The following BPGM variants were observed in gnomAD, a reference collection of about 807,000 sequenced individuals.
The protein encoded by BPGM is bisphosphoglycerate mutase.
Under a neutral mutation model 21.6 loss-of-function variants are expected in BPGM, and 15 were observed. The ratio of observed to expected loss-of-function variants is 0.70; its 90% CI spans 0.47 to 1.07. BPGM has a LOEUF of 1.07. Ranked by LOEUF, BPGM falls within the 50% of genes least tolerant of loss-of-function variation. The pLI, the probability that BPGM is intolerant of heterozygous loss-of-function variation, is 0.00. For synonymous variants in BPGM, 113 were observed against 116.2 expected, an observed-to-expected ratio of 0.97 and a Z score of 0.18; for missense variants, 273 against 319.0, an observed-to-expected ratio of 0.86 and a Z score of 1.10.
rs1416123189 is a variant in BPGM, at chr7:134,678,778, G to A, written c.602-75G>A. 3.0e-6 allele frequency: 4 copies of A among 1,355,914 alleles called. No individual in the cohort carries two copies. In the South Asian group the frequency reaches 4.7e-5, roughly 16 times the overall value. The allele number at this position is 1,355,914 out of a possible 1,614,324, so 84.0% of individuals were successfully genotyped here. A position where few individuals can be genotyped will look rare whatever the true frequency, so the allele number is the denominator to read the frequency against. ...GCACACAGTTAAATGGGATTAAAGTGCAGTTATATAATTAAACAGAACTTC... is the reference window on the plus strand; with the variant it reads ...GCACACAGTTAAATGGGATTAAAGTACAGTTATATAATTAAACAGAACTTC... On this transcript the variant is annotated intron_variant, in intron 2 of 2. Coordinates refer to ENST00000344924, the MANE Select transcript of BPGM (RefSeq NM_001724.5).
rs1485251613 is a variant in BPGM, at chr7:134,679,102, C to CT, written c.*72dup. ...AGGAGTGTGTTATGGGTGCTGAACT[C>CT]TCTCTCTTTTTCCCCGATTTTCCAG... On this transcript the variant is annotated 3_prime_UTR_variant, in exon 3 of 3. Transcript: ENST00000344924. 6.5e-7 allele frequency: 1 copy of CT among 1,539,496 alleles called. No homozygotes were observed. The highest frequency in any genetic ancestry group is 1.4e-5 in the African/African-American group (1 of 73,204).
At chr7:134,649,357 A>G (rs1795520698) in intron 1 of BPGM, among the ~76,000 whole-genome samples, 1 of 152,216 alleles carries the variant, frequency 6.6e-6, no homozygotes, top group Non-Finnish European at 1.5e-5. Context: ...ACTTAGAAGC[A>G]ACTACTGTTA....
In BPGM at chr7:134,661,667, C is replaced by A. The variant is rs371168429; in HGVS notation, c.160C>A (p.Leu54Ile). The A allele has an allele frequency of 6.2e-7, 1 of 1,614,154 alleles. No individual in the cohort carries two copies. Among genetic ancestry groups the A allele is most frequent in the Non-Finnish European group, 8.5e-7 (1 of 1,180,020 alleles). The change falls in exon 2 of 3, where the codon CTT becomes ATT. Residue 54 changes from leucine to isoleucine, a missense_variant. Physicochemically the swap from Leu to Ile is conservative, Grantham distance 5. Coordinates refer to ENST00000344924, the MANE Select transcript of BPGM (RefSeq NM_001724.5). The surrounding 1 kb of genome is among the most constrained non-coding windows in gnomAD (Gnocchi z 4.6). ...QLKALNFEFDLVFTSVLNRSI... is the reference protein window; with the variant it reads ...QLKALNFEFDIVFTSVLNRSI... ...CAAAGCGTTAAACTTTGAGTTTGAT[C>A]TTGTATTCACATCTGTCCTTAATCG...
chr7:134,655,944 G>T (rs754865764), intron 1 of BPGM, among the ~76,000 whole-genome samples: 8 of 152,218 alleles, frequency 5.3e-5, no homozygotes, highest in Non-Finnish European at 1.0e-4. Context: ...CATCGCAAGT[G>T]CACCAAATGT....
chr7:134,652,158 G>A (rs954385838), intron 1 of BPGM, among the ~76,000 whole-genome samples: 1 of 152,112 alleles, frequency 6.6e-6, no homozygotes, highest in East Asian at 1.9e-4. Flanking sequence ...GGTACTTGCC[G>A]TTCTGGCCAA....
chr7:134,661,830 G>T lies in BPGM; in HGVS notation c.323G>T (p.Gly108Val), dbSNP rs573391134. 3 of 1,610,154 alleles carry T rather than the reference G, an allele frequency of 1.9e-6. No individual in the cohort carries two copies. The South Asian group carries it at 3.3e-5, about 18-fold the overall frequency. The change falls in exon 2 of 3, where the codon GGT becomes GTT. Residue 108 changes from glycine (G) to valine (V), a missense_variant. Physicochemically the swap from Gly to Val is moderately radical, Grantham distance 109. Transcript: ENST00000344924. This position sits in a 1 kb window ranked among gnomAD's most constrained non-coding sequence, Gnocchi z 4.6. ...LNREQMALNH[G>V]EEQVRLWRRS... ...AGGGAGCAGATGGCTTTGAATCATGGTGAAGAACAAGTGAGGCTCTGGAGA... is the reference window on the plus strand; with the variant it reads ...AGGGAGCAGATGGCTTTGAATCATGTTGAAGAACAAGTGAGGCTCTGGAGA...
At chr7:134,672,897 G>A (rs537829059) in intron 2 of BPGM, among the ~76,000 whole-genome samples, 11 of 152,204 alleles carry the variant, frequency 7.2e-5, no homozygotes, top group South Asian at 4.1e-4. Flanking sequence ...TTAGTTGGCC[G>A]GGCGCGGTGG....
chr7:134,658,319 A>G (rs1795674598), intron 1 of BPGM: 1 of 152,206 alleles, frequency 6.6e-6, no homozygotes, highest in African/African-American at 2.4e-5. Context: ...CTTCGATGTC[A>G]GCAATCCCAT....
chr7:134,664,043 T>C (rs111613302), intron 2 of BPGM, among the ~76,000 whole-genome samples: 1,671 of 152,316 alleles, frequency 0.011, 37 homozygotes, highest in African/African-American at 0.038. Context: ...TGAGGGAGGC[T>C]TTGAAACTAT....
At chr7:134,670,710 C>T (rs377364759) in intron 2 of BPGM, among the ~76,000 whole-genome samples, 3 of 152,008 alleles carry the variant, frequency 2.0e-5, no homozygotes, top group African/African-American at 4.8e-5. Flanking sequence ...CACAGATTGT[C>T]GGTGGGGTTT....
At chr7:134,665,648 T>G (rs1248764513) in intron 2 of BPGM, among the ~76,000 whole-genome samples, 1 of 4,002 alleles carries the variant, frequency 2.5e-4, no homozygotes. Flanking sequence ...TAAAAATTAA[T>G]GAAAAAAAAA....
chr7:134,648,090 G>C (rs183382052), intron 1 of BPGM, among the ~76,000 whole-genome samples: 425 of 150,392 alleles, frequency 2.8e-3, no homozygotes, highest in Non-Finnish European at 4.5e-3. Context: ...GAGCCACCGT[G>C]CCTGGCCTTG....
intron 2 of BPGM, among the ~76,000 whole-genome samples, chr7:134,664,283 A>C (rs1457824633): frequency 6.6e-6 from 1 of 152,168 alleles, no homozygotes; most frequent in Non-Finnish European, 1.5e-5. Context: ...TCAAGGTGTG[A>C]GCAGGGCTGT....
At chr7:134,660,003 C>T (rs1349042625) in intron 1 of BPGM, among the ~76,000 whole-genome samples, 1 of 152,134 alleles carries the variant, frequency 6.6e-6, no homozygotes, top group Non-Finnish European at 1.5e-5. Context: ...GTTTGCACGA[C>T]AAAATCACCT....
At chr7:134,669,983 C>T (rs1251376972) in intron 2 of BPGM, among the ~76,000 whole-genome samples, 2 of 151,980 alleles carry the variant, frequency 1.3e-5, no homozygotes, top group South Asian at 2.1e-4. Flanking sequence ...TGTACTGTAG[C>T]GTTCCAGACA....
intron 2 of BPGM, among the ~76,000 whole-genome samples, chr7:134,669,764 C>T (rs1449952706): frequency 2.0e-5 from 3 of 152,012 alleles, no homozygotes; most frequent in African/African-American, 4.8e-5. Context: ...TTAATGCTTT[C>T]GGAAGAAGTC....
rs567587988 is a variant in BPGM, at chr7:134,650,411, G to A, written c.-62+3474G>A. On this transcript the variant is annotated intron_variant, in intron 1 of 2. Coordinates refer to ENST00000344924, the MANE Select transcript of BPGM (RefSeq NM_001724.5). The stretch of plus-strand genomic sequence containing the variant: ...CAATCAGTAGGAAATATTAGTAGAT[G>A]TAAGATTGGGGAATGAGAGGGTTTT... Among the ~76,000 whole-genome samples the A allele has an allele frequency of 7.2e-5, 11 of 152,358 alleles. No individual in the cohort carries two copies. In the East Asian group the frequency reaches 1.9e-3, roughly 27 times the overall value.
At chr7:134,678,747 T>C (rs1585870071) in intron 2 of BPGM, 106 bp from the exon 3 acceptor site, 2 of 1,140,106 alleles carry the variant, frequency 1.8e-6, no homozygotes, top group Non-Finnish European at 1.3e-6. Context: ...TACCTGCATG[T>C]TTCAGGCACA....
intron 2 of BPGM, among the ~76,000 whole-genome samples, chr7:134,672,245 C>T (rs1795915880): frequency 1.3e-5 from 2 of 151,808 alleles, no homozygotes; most frequent in Non-Finnish European, 2.9e-5. Context: ...TAAAGGCAGA[C>T]TTTAAGTATT....
Sources: gnomAD v4.1 joint callset for allele counts (sites outside exome capture counted in the v4.1 genomes callset) on GRCh38, gnomAD v4.1.1 for gene constraint, Gnocchi (gnomAD v3.1) non-coding constraint, MANE v1.5 for transcripts, NCBI Gene and HGNC (gene_info 2026-07-23, HGNC 2026-07-21) for gene names.